ARHGAP15: variants seen among roughly 807,000 people sequenced by gnomAD.
The protein encoded by ARHGAP15 is Rho GTPase activating protein 15, also known as rho GTPase-activating protein 15.
A neutral mutation model predicts 63.7 loss-of-function variants in ARHGAP15; 51 were observed. That is an observed-to-expected ratio of 0.80 (90% CI 0.64 to 1.01). The LOEUF (loss-of-function observed/expected upper bound fraction) is 1.01, where lower values mean the gene tolerates loss of function less well. Among genes scored for constraint, ARHGAP15 ranks in the 50% least tolerant of loss-of-function variants. The probability of loss-of-function intolerance (pLI) is 0.00; values close to 1 mark genes in which losing one functional copy is unlikely to be tolerated. For synonymous variants in ARHGAP15, 191 were observed against 193.8 expected (o/e 0.99, Z 0.12); for missense variants, 560 against 564.6 (o/e 0.99, Z 0.08).
At chr2:143,538,819 A>G (rs1229131594) in intron 10 of ARHGAP15, among the ~76,000 whole-genome samples, 2 of 152,220 alleles carry the variant, frequency 1.3e-5, no homozygotes, top group Non-Finnish European at 2.9e-5. Context: ...AATGTTCATC[A>G]AGGATATTGG....
chr2:143,683,521 A>C (rs999273798), intron 12 of ARHGAP15, among the ~76,000 whole-genome samples: 2 of 152,184 alleles, frequency 1.3e-5, no homozygotes, highest in Non-Finnish European at 2.9e-5. Flanking sequence ...TCAGTTCTTT[A>C]ATATGCTGCA....
At chr2:143,140,598 G>C (rs1429540177) in intron 1 of ARHGAP15, among the ~76,000 whole-genome samples, 3 of 152,100 alleles carry the variant, frequency 2.0e-5, no homozygotes, top group Non-Finnish European at 4.4e-5. Flanking sequence ...AAATAATTCT[G>C]AGAAGGGAAC....
chr2:143,310,129 A>G (rs1197814796), intron 6 of ARHGAP15, among the ~76,000 whole-genome samples: 1 of 152,032 alleles, frequency 6.6e-6, no homozygotes, highest in Non-Finnish European at 1.5e-5. Context: ...TGCATTGCTT[A>G]TGGTTCTTGA....
At chr2:143,695,928 G>A (rs1156730511) in intron 12 of ARHGAP15, among the ~76,000 whole-genome samples, 1 of 151,700 alleles carries the variant, frequency 6.6e-6, no homozygotes, top group African/African-American at 2.4e-5. Flanking sequence ...GCCCCAATGT[G>A]AGATCATAGT....
chr2:143,260,713 C>T (rs1186309327), intron 6 of ARHGAP15, among the ~76,000 whole-genome samples: 1 of 152,118 alleles, frequency 6.6e-6, no homozygotes, highest in Non-Finnish European at 1.5e-5. Context: ...GATTTTCAAT[C>T]TGTGAATACA....
intron 10 of ARHGAP15, among the ~76,000 whole-genome samples, chr2:143,542,780 GAT>G (rs1239089231): frequency 5.1e-5 from 6 of 117,850 alleles, no homozygotes; most frequent in African/African-American, 1.4e-4. Flanking sequence ...ATATATATAT[GAT>G]ATATATAATA....
chr2:143,150,400 C>G (rs1281719388), intron 1 of ARHGAP15, among the ~76,000 whole-genome samples: 1 of 151,788 alleles, frequency 6.6e-6, no homozygotes, highest in Admixed American at 6.6e-5. Context: ...AAAATCAAGC[C>G]CAGAAGCCCA....
At chr2:143,515,798 A>C (rs1693788680) in intron 9 of ARHGAP15, among the ~76,000 whole-genome samples, 1 of 152,184 alleles carries the variant, frequency 6.6e-6, no homozygotes, top group Non-Finnish European at 1.5e-5. Flanking sequence ...GTATCTGCAC[A>C]CTCTCAAATA....
chr2:143,550,595 T>C (rs1044907908), intron 10 of ARHGAP15, among the ~76,000 whole-genome samples: 4 of 152,332 alleles, frequency 2.6e-5, no homozygotes. Flanking sequence ...CAGTCATATG[T>C]GGCCAGTGAA....
intron 2 of ARHGAP15, among the ~76,000 whole-genome samples, chr2:143,201,070 C>T (rs1692096295): frequency 2.0e-5 from 3 of 151,952 alleles, no homozygotes; most frequent in African/African-American, 7.3e-5. Flanking sequence ...TTAGGGGAAA[C>T]TCAATGGCCA....
intron 12 of ARHGAP15, among the ~76,000 whole-genome samples, chr2:143,684,173 A>G (rs1278189385): frequency 1.3e-5 from 2 of 152,190 alleles, no homozygotes; most frequent in Non-Finnish European, 1.5e-5. Context: ...CTAGTCTTTT[A>G]TTAGTGCTTG....
intron 13 of ARHGAP15, among the ~76,000 whole-genome samples, chr2:143,731,340 A>C (rs753078840): frequency 2.0e-5 from 3 of 152,132 alleles, no homozygotes; most frequent in Admixed American, 6.5e-5. Context: ...CATCACAGAG[A>C]TTCCTTTTCT....
intron 8 of ARHGAP15, among the ~76,000 whole-genome samples, chr2:143,460,204 A>T (rs1160283249): frequency 6.6e-6 from 1 of 152,172 alleles, no homozygotes; most frequent in Admixed American, 6.6e-5. Flanking sequence ...ATTGTGATGG[A>T]TGATGAGCAA....
At chr2:143,253,055 T>A (rs1680234948) in intron 6 of ARHGAP15, among the ~76,000 whole-genome samples, 1 of 152,104 alleles carries the variant, frequency 6.6e-6, no homozygotes, top group Non-Finnish European at 1.5e-5. Flanking sequence ...ACATTGGAAA[T>A]AGCTTTAGAA....
rs527381752 is a variant in ARHGAP15, at chr2:143,581,030, A to G, written c.1003+24545A>G. 8.5e-5 allele frequency among the ~76,000 whole-genome samples: 13 copies of G among 152,232 alleles called. No individual in the cohort carries two copies. In the South Asian group the frequency reaches 2.7e-3, roughly 32 times the overall value. ...ACAATAATCCCACTTAGCAGGTTCTATTTTCATTCTCATTTTAAGCTAAAG... is the reference window on the plus strand; with the variant it reads ...ACAATAATCCCACTTAGCAGGTTCTGTTTTCATTCTCATTTTAAGCTAAAG... On this transcript the variant is annotated intron_variant, in intron 11 of 13. Coordinates refer to ENST00000295095, the MANE Select transcript of ARHGAP15 (RefSeq NM_018460.4).
intron 12 of ARHGAP15, among the ~76,000 whole-genome samples, chr2:143,647,588 A>G (rs532127443): frequency 6.6e-6 from 1 of 151,972 alleles, no homozygotes; most frequent in African/African-American, 2.4e-5. Context: ...TGAGTTACAA[A>G]CAAAGAATAC....
chr2:143,266,414 T>C (rs1454711276), intron 6 of ARHGAP15, among the ~76,000 whole-genome samples: 1 of 152,068 alleles, frequency 6.6e-6, no homozygotes, highest in Non-Finnish European at 1.5e-5. Flanking sequence ...TTATGTAGAG[T>C]GCTTACTTTC....
chr2:143,190,083 A>G (rs354726), intron 2 of ARHGAP15, among the ~76,000 whole-genome samples: 149,111 of 152,276 alleles, frequency 0.98, 73,092 homozygotes, highest in East Asian at 1. Flanking sequence ...GAGAACAGAG[A>G]GTGTTTTATT....
intron 6 of ARHGAP15, among the ~76,000 whole-genome samples, chr2:143,382,377 T>A (rs1687097098): frequency 6.6e-6 from 1 of 152,114 alleles, no homozygotes; most frequent in Non-Finnish European, 1.5e-5. Flanking sequence ...CAGCTGCCAA[T>A]CTTTGACAGT....
Sources: gnomAD v4.1 joint callset for allele counts (sites outside exome capture counted in the v4.1 genomes callset) on GRCh38, gnomAD v4.1.1 for gene constraint, MANE v1.5 for transcripts, NCBI Gene and HGNC (gene_info 2026-07-23, HGNC 2026-07-21) for gene names.